The following TTBK2 variants were observed in gnomAD, a reference collection of about 807,000 sequenced individuals.
TTBK2 encodes the protein tau-tubulin kinase 2.
A neutral mutation model predicts 110.8 loss-of-function variants in TTBK2; 28 were observed. The observed-to-expected ratio is 0.25, with a 90% CI of 0.19 to 0.35. TTBK2 has a LOEUF of 0.35. TTBK2 is among the 10% of genes least tolerant of loss of function. The pLI, the probability that TTBK2 is intolerant of heterozygous loss-of-function variation, is 1.00. For synonymous variants in TTBK2, 532 were observed against 527.3 expected, an observed-to-expected ratio of 1.01 and a Z score of -0.12; for missense variants, 1,369 against 1,500.3, an observed-to-expected ratio of 0.91 and a Z score of 1.45.
intron 13 of TTBK2, among the ~76,000 whole-genome samples, chr15:42,759,785 T>C (rs1323524236): frequency 6.6e-6 from 1 of 152,078 alleles, no homozygotes; most frequent in Non-Finnish European, 1.5e-5. Context: ...ATCTACTCCA[T>C]AAAATTTGGA....
chr15:42,877,295 T>C (rs972847117), intron 2 of TTBK2, among the ~76,000 whole-genome samples: 2 of 152,054 alleles, frequency 1.3e-5, no homozygotes, highest in Non-Finnish European at 1.5e-5. Flanking sequence ...CAATAACATT[T>C]ATGAAAAAAA....
chr15:42,800,331 C>T (rs1382463822), intron 9 of TTBK2: 1 of 432,270 alleles, frequency 2.3e-6, no homozygotes. Context: ...ACCTAAAATA[C>T]CCTTATTCTT....
chr15:42,764,862 G>C (rs1303890941), intron 13 of TTBK2, among the ~76,000 whole-genome samples: 1 of 152,254 alleles, frequency 6.6e-6, no homozygotes, highest in Non-Finnish European at 1.5e-5. Flanking sequence ...AGTAGGGGCT[G>C]AGTGTCACCT....
rs1436182051 is a variant in TTBK2, at chr15:42,753,116, G to A, written c.2130C>T (p.Asn710=). 6.3e-7 allele frequency: 1 copy of A among 1,597,612 alleles called. No individual in the cohort carries two copies. Among genetic ancestry groups the A allele is most frequent in the Non-Finnish European group, 8.5e-7 (1 of 1,173,622 alleles). The change falls in exon 14 of 15, where the codon AAC becomes AAT. Residue 710 remains asparagine, a synonymous_variant. Transcript: ENST00000267890. ...PTVELYSPRE[N]FSGLVVTEGE... ...CCTCTGTCACAACCAAGCCAGAGAA[G>A]TTTTCCCTTGGAGAGTAAAGTTCCA... is the stretch of plus-strand genomic sequence containing the variant.
chr15:42,763,141 TAC>T (rs1276923779), intron 13 of TTBK2, among the ~76,000 whole-genome samples: 3 of 80,534 alleles, frequency 3.7e-5, no homozygotes, highest in African/African-American at 2.1e-4. Context: ...CATATATACA[TAC>T]ATATATATAT....
chr15:42,865,903 T>C (rs910380248), intron 3 of TTBK2, among the ~76,000 whole-genome samples: 17 of 152,202 alleles, frequency 1.1e-4, no homozygotes, highest in African/African-American at 3.6e-4. Flanking sequence ...AATCTACCTA[T>C]ACAAACAATC....
chr15:42,866,505 C>A (rs1894378698), intron 3 of TTBK2, among the ~76,000 whole-genome samples: 1 of 152,014 alleles, frequency 6.6e-6, no homozygotes. Context: ...AATGAACAGA[C>A]CCAGCAGCCG....
rs544394303 is a variant in TTBK2, at chr15:42,915,852, G to A, written c.-68+4586C>T. Among the ~76,000 whole-genome samples the A allele has an allele frequency of 7.9e-5, 12 of 152,152 alleles. 1 individual carries two copies. The South Asian group carries it at 2.3e-3, about 29-fold the overall frequency. On this transcript the variant is annotated intron_variant, in intron 1 of 14. Coordinates refer to ENST00000267890, the MANE Select transcript of TTBK2 (RefSeq NM_173500.4). ...GTCCCAGCTACCCAGGAGGCTAAGG[G>A]GGGAGGACTGCCTGATCCCAGGAGG...
intron 3 of TTBK2, among the ~76,000 whole-genome samples, chr15:42,861,860 G>A (rs1304606147): frequency 6.6e-6 from 1 of 151,954 alleles, no homozygotes; most frequent in Non-Finnish European, 1.5e-5. Context: ...TACCAAAGGG[G>A]GAAAAAGAGA....
At chr15:42,816,815 A>G (rs1892049400) in intron 7 of TTBK2, among the ~76,000 whole-genome samples, 1 of 151,994 alleles carries the variant, frequency 6.6e-6, no homozygotes. Flanking sequence ...GCTACTTGGG[A>G]GGCTGAGGCA....
chr15:42,853,934 T>A (rs746208794), intron 3 of TTBK2, among the ~76,000 whole-genome samples: 10 of 152,124 alleles, frequency 6.6e-5, no homozygotes, highest in Non-Finnish European at 1.2e-4. Context: ...CAGAATATTT[T>A]TTTTTTATTT....
At chr15:42,803,274 G>A (rs1891303283) in intron 9 of TTBK2, among the ~76,000 whole-genome samples, 1 of 152,062 alleles carries the variant, frequency 6.6e-6, no homozygotes, top group Non-Finnish European at 1.5e-5. Flanking sequence ...AATACTGTAG[G>A]CAATTGTTAT....
intron 1 of TTBK2, among the ~76,000 whole-genome samples, chr15:42,918,277 G>C (rs956251169): frequency 1.3e-5 from 2 of 151,966 alleles, no homozygotes; most frequent in Non-Finnish European, 2.9e-5. Context: ...GTGTTACTTA[G>C]GCTGGTCTCA....
At chr15:42,903,849 T>C (rs910580260) in intron 1 of TTBK2, among the ~76,000 whole-genome samples, 9 of 152,206 alleles carry the variant, frequency 5.9e-5, no homozygotes, top group African/African-American at 2.2e-4. Context: ...GCTCACATTC[T>C]CTCTCTCTGG....
At chr15:42,824,344 C>T (rs1247115736) in intron 6 of TTBK2, among the ~76,000 whole-genome samples, 1 of 152,130 alleles carries the variant, frequency 6.6e-6, no homozygotes, top group African/African-American at 2.4e-5. Context: ...CTGGTAAAAT[C>T]TAAGTCTGTA....
intron 1 of TTBK2, among the ~76,000 whole-genome samples, chr15:42,883,664 A>G (rs1327975253): frequency 6.6e-6 from 1 of 152,048 alleles, no homozygotes; most frequent in Non-Finnish European, 1.5e-5. Context: ...AAAAGTAGAC[A>G]GAAAGAAACA....
chr15:42,855,170 C>T (rs1380145404), intron 3 of TTBK2: 2 of 152,226 alleles, frequency 1.3e-5, no homozygotes, highest in South Asian at 2.1e-4. Flanking sequence ...TCAGGCCTCT[C>T]GGGTTCAAGT....
chr15:42,802,480 T>A (rs1324859873), intron 9 of TTBK2: 1 of 595,584 alleles, frequency 1.7e-6, no homozygotes, highest in East Asian at 3.0e-5. Flanking sequence ...CTGCACACAG[T>A]CTTTACTTCT....
intron 3 of TTBK2, among the ~76,000 whole-genome samples, chr15:42,850,389 C>T (rs1893649865): frequency 6.6e-6 from 1 of 152,102 alleles, no homozygotes; most frequent in Non-Finnish European, 1.5e-5. Flanking sequence ...AAATGGTAAA[C>T]CCACTGCTGG....
Sources: allele counts gnomAD v4.1 joint callset (sites outside exome capture counted in the v4.1 genomes callset), GRCh38; gene constraint gnomAD v4.1.1; transcripts MANE v1.5; gene names NCBI Gene and HGNC (gene_info 2026-07-23, HGNC 2026-07-21).